Variants in EML4 observed in about 807,000 individuals in gnomAD.
The protein encoded by EML4 is echinoderm microtubule-associated protein-like 4.
A neutral mutation model predicts 129.0 loss-of-function variants in EML4; 72 were observed. The observed-to-expected ratio is 0.56, with a 90% CI of 0.46 to 0.68. The LOEUF (loss-of-function observed/expected upper bound fraction) is 0.68. Among genes scored for constraint, EML4 ranks in the 30% least tolerant of loss-of-function variants. EML4 has a pLI of 0.00. For synonymous variants in EML4, 532 were observed against 405.0 expected (o/e 1.31, Z -3.77); for missense variants, 1,363 against 1,190.6 (o/e 1.14, Z -2.13).
intron 1 of EML4, among the ~76,000 whole-genome samples, chr2:42,240,006 T>A (rs1572607611): frequency 6.6e-6 from 1 of 152,354 alleles, no homozygotes; most frequent in East Asian, 1.9e-4. Context: ...CTGACTCGTT[T>A]GCTGTGTGGC....
intron 2 of EML4, among the ~76,000 whole-genome samples, chr2:42,247,026 G>A (rs528374496): frequency 2.0e-5 from 3 of 152,162 alleles, no homozygotes; most frequent in South Asian, 2.1e-4. Context: ...AGTGGAAGAC[G>A]GTGGTAATAG....
At chr2:42,290,548 T>G (rs1472399038) in intron 11 of EML4, among the ~76,000 whole-genome samples, 4 of 146,170 alleles carry the variant, frequency 2.7e-5, no homozygotes, top group South Asian at 4.3e-4. Flanking sequence ...GCAAACATAA[T>G]GAGACCTTGT....
intron 1 of EML4, among the ~76,000 whole-genome samples, chr2:42,233,611 TTAC>T (rs1475629957): frequency 2.6e-4 from 39 of 152,252 alleles, no homozygotes; most frequent in African/African-American, 9.1e-4. Context: ...CCAGCCCCTA[TTAC>T]AGGTTTCTTA....
intron 1 of EML4, among the ~76,000 whole-genome samples, chr2:42,218,603 G>T (rs1012796567): frequency 6.6e-6 from 1 of 152,110 alleles, no homozygotes; most frequent in Non-Finnish European, 1.5e-5. Context: ...TGTCTGAAGA[G>T]AATACAGTAG....
rs747554114 is a variant in EML4 at position 42,172,396 on chromosome 2, CTAGG to C, written c.25+2764_25+2767del. Among the ~76,000 whole-genome samples the C allele has an allele frequency of 5.0e-4, 76 of 152,250 alleles. 1 individual carries two copies. Among genetic ancestry groups the C allele is most frequent in the South Asian group, 1.0e-3 (5 of 4,826 alleles). ...ATAAGATGTCTAATGGCAATTAAGA[CTAGG>C]TAGTGGTTTTTTAAATCATAGGAAT... On this transcript the variant is annotated intron_variant, in intron 1 of 22. Transcript: ENST00000318522.
chr2:42,323,554 T>C (rs1669632466), intron 19 of EML4, among the ~76,000 whole-genome samples: 1 of 152,178 alleles, frequency 6.6e-6, no homozygotes, highest in Admixed American at 6.5e-5. Context: ...TCGGTAGACT[T>C]CAGAAGGGTA....
intron 6 of EML4, among the ~76,000 whole-genome samples, chr2:42,270,916 G>C (rs188407249): frequency 6.6e-6 from 1 of 152,250 alleles, no homozygotes; most frequent in East Asian, 1.9e-4. Context: ...TTATTTTTGA[G>C]ATAGGGTCTC....
intron 1 of EML4, among the ~76,000 whole-genome samples, chr2:42,200,042 G>C (rs78386354): frequency 0.13 from 20,315 of 151,844 alleles, 1,610 homozygotes; most frequent in South Asian, 0.23. Context: ...AGGCGCGGTG[G>C]CTGACGCTTG....
At position 42,325,458 on chromosome 2, in the gene EML4, A is replaced by G. The variant is rs1225324547; in HGVS notation, c.2155-9A>G. ...AATGCTTTCTAACAATTTATCTGTT[A>G]TTTTCTAGGGACATTCCAGCTACAT... On this transcript the variant is annotated splice_polypyrimidine_tract_variant and intron_variant, in intron 19 of 22. Coordinates refer to ENST00000318522, the MANE Select transcript of EML4 (RefSeq NM_019063.5). The G allele has an allele frequency of 7.0e-6, 10 of 1,430,526 alleles. No individual in the cohort carries two copies. Among genetic ancestry groups the G allele is most frequent in the East Asian group, 2.3e-5 (1 of 43,516 alleles). The allele number at this position is 1,430,526 out of a possible 1,614,324, so 88.6% of individuals were successfully genotyped here.
chr2:42,275,267 A>T lies in EML4; in HGVS notation c.668-5583A>T, dbSNP rs185248899. On this transcript the variant is annotated intron_variant, in intron 6 of 22. Coordinates refer to ENST00000318522, the MANE Select transcript of EML4 (RefSeq NM_019063.5). ...GATATTTTACTTTTCCTTTCATACT[A>T]AGTCTTCAAAATCTGGTTTGTATAT... Among the ~76,000 whole-genome samples the T allele has an allele frequency of 4.6e-5, 7 of 152,304 alleles. No individual in the cohort carries two copies. In the East Asian group the frequency reaches 1.4e-3, roughly 29 times the overall value.
At chr2:42,206,731 G>A (rs1672570557) in intron 1 of EML4, among the ~76,000 whole-genome samples, 1 of 152,140 alleles carries the variant, frequency 6.6e-6, no homozygotes, top group African/African-American at 2.4e-5. Context: ...TAATACATAA[G>A]TGATGTGTTC....
rs935877281 is a variant in EML4, at chr2:42,284,833, A to G, written c.1011+130A>G. ...TAAGTACTGAGGAATTTCTAGTATA[A>G]GCATGGAAAAAACATTAGGATATAA... is the stretch of plus-strand genomic sequence containing the variant. On this transcript the variant is annotated intron_variant, in intron 9 of 22. Coordinates refer to ENST00000318522, the MANE Select transcript of EML4 (RefSeq NM_019063.5). 4 of 552,066 alleles carry G rather than the reference A, an allele frequency of 7.2e-6. No individual in the cohort carries two copies. In the African/African-American group the frequency reaches 7.8e-5, roughly 11 times the overall value. 34.2% of individuals were successfully genotyped at this position (552,066 alleles called of 1,614,324 possible).
intron 13 of EML4, among the ~76,000 whole-genome samples, chr2:42,299,842 T>C (rs1418755581): frequency 6.6e-6 from 1 of 152,180 alleles, no homozygotes; most frequent in South Asian, 2.1e-4. Context: ...GCATGTGCCA[T>C]CATGCCCGGC....
chr2:42,258,794 C>CA (rs1179245921), intron 3 of EML4, among the ~76,000 whole-genome samples: 1 of 152,164 alleles, frequency 6.6e-6, no homozygotes, highest in Non-Finnish European at 1.5e-5. Context: ...AGAAGTGCAT[C>CA]AGGTTAAGAA....
At chr2:42,265,561 A>G (rs1036862172) in intron 6 of EML4, among the ~76,000 whole-genome samples, 6 of 152,226 alleles carry the variant, frequency 3.9e-5, no homozygotes, top group East Asian at 3.8e-4. Context: ...TTAAAAATCC[A>G]TCTTATTTCT....
At chr2:42,269,003 C>G (rs914329499) in intron 6 of EML4, among the ~76,000 whole-genome samples, 1 of 152,156 alleles carries the variant, frequency 6.6e-6, no homozygotes, top group Admixed American at 6.5e-5. Flanking sequence ...AAGTCTTCCT[C>G]TTACTGTGCT....
At chr2:42,259,138 T>TCC (rs1665545541) in intron 3 of EML4, among the ~76,000 whole-genome samples, 8 of 151,414 alleles carry the variant, frequency 5.3e-5, no homozygotes, top group Non-Finnish European at 1.2e-4. Flanking sequence ...TCTCAGCTGC[T>TCC]GGGGAAGCTG....
intron 17 of EML4, among the ~76,000 whole-genome samples, chr2:42,315,484 T>A (rs1284979614): frequency 6.6e-6 from 1 of 152,190 alleles, no homozygotes; most frequent in East Asian, 1.9e-4. Context: ...TTATGTATAT[T>A]TTATCTAGCA....
At position 42,245,549 on chromosome 2, in the gene EML4, C is replaced by A. The variant is rs749980543; in HGVS notation, c.70C>A (p.Leu24Met). The part of the protein sequence containing the change: ...AASTSDVQDR[L>M]SALESRVQQQ... ...AAGTACTTCTGATGTTCAAGATCGC[C>A]TGTCAGCTCTTGAGTCACGAGTTCA... Residue 24 changes from leucine to methionine, a missense_variant, in exon 2 of 23, where the codon CTG becomes ATG. By Grantham distance (15) the Leu-to-Met change is conservative. Coordinates refer to ENST00000318522, the MANE Select transcript of EML4 (RefSeq NM_019063.5). 1 of 1,613,708 alleles carries A rather than the reference C, an allele frequency of 6.2e-7. No homozygotes were observed. The highest frequency in any genetic ancestry group is 8.5e-7 in the Non-Finnish European group (1 of 1,179,790).
Sources: gnomAD v4.1 joint callset for allele counts (sites outside exome capture counted in the v4.1 genomes callset) on GRCh38, gnomAD v4.1.1 for gene constraint, MANE v1.5 for transcripts, NCBI Gene and HGNC (gene_info 2026-07-23, HGNC 2026-07-21) for gene names.